Variants in KDM6A observed in about 807,000 individuals in gnomAD.
The protein encoded by KDM6A is lysine-specific demethylase 6A.
A neutral mutation model predicts 117.6 loss-of-function variants in KDM6A; 11 were observed. The ratio of observed to expected loss-of-function variants is 0.09; its 90% confidence interval spans 0.06 to 0.15. The LOEUF (loss-of-function observed/expected upper bound fraction) is 0.15. Ranked by LOEUF, KDM6A falls within the 10% of genes least tolerant of loss-of-function variation. KDM6A has a pLI of 1.00. For synonymous variants in KDM6A, 384 were observed against 396.1 expected (o/e 0.97, Z 0.36); for missense variants, 799 against 1,077.3 (o/e 0.74, Z 3.62).
Position 45,063,729 on chromosome X carries a change from G to C in KDM6A, c.1991G>C (p.Arg664Pro), listed in dbSNP as rs973676174. ...AATGGAAACGTGCCTTACCTGCAGC[G>C]AAACGCACTCACTCTACCTCATAAC... Reference protein sequence around the residue: ...GSNGNVPYLQRNALTLPHNRT... With the variant: ...GSNGNVPYLQPNALTLPHNRT... Residue 664 changes from arginine (R) to proline (P), a missense_variant, in exon 17 of 30, where the codon CGA becomes CCA. This residue lies in a region of KDM6A where 301 missense variants were observed against 318.3 expected (regional missense o/e 0.95). Coordinates refer to ENST00000611820, the MANE Select transcript of KDM6A (RefSeq NM_001291415.2). 1 of 1,207,510 alleles carries C rather than the reference G, an allele frequency of 8.3e-7. No homozygotes were observed.
At chrX:45,057,762 G>A (rs945855765) in intron 10 of KDM6A, among the ~76,000 whole-genome samples, 6 of 110,553 alleles carry the variant, frequency 5.4e-5, no homozygotes, top group South Asian at 7.6e-4. Flanking sequence ...TTCTCTGCCC[G>A]AATCAGTGGT....
At chrX:44,985,051 A>G in intron 4 of KDM6A, among the ~76,000 whole-genome samples, 1 of 109,628 alleles carries the variant, frequency 9.1e-6, no homozygotes, top group East Asian at 2.9e-4. Context: ...TGAGCATGGA[A>G]TGTTCTTCCA....
Position 45,091,950 on chromosome X carries a change from A to T in KDM6A, c.4034+1086A>T, listed in dbSNP as rs1235261948. ...TGTGGCCAAGGTAACATGCCTATAA[A>T]TTATTTTATGACAGTCTTTTCTCAG... On this transcript the variant is annotated intron_variant, in intron 27 of 29. Transcript: ENST00000611820. Among the ~76,000 whole-genome samples, 25 of 111,609 alleles carry T rather than the reference A, an allele frequency of 2.2e-4. No homozygotes were observed. In the East Asian group the frequency reaches 7.0e-3, roughly 31 times the overall value.
intron 25 of KDM6A, 30 bp downstream of exon 25, chrX:45,086,009 C>T (rs1556350714): frequency 2.2e-6 from 2 of 901,751 alleles, no homozygotes. Flanking sequence ...TTTCTTAAAA[C>T]ATATATTAGA....
At chrX:44,965,114 T>C (rs188277956) in intron 3 of KDM6A, among the ~76,000 whole-genome samples, 7 of 112,382 alleles carry the variant, frequency 6.2e-5, no homozygotes, top group Admixed American at 1.9e-4. Flanking sequence ...TTTACACTTT[T>C]CTTCTGCAGC....
rs761674073 is a variant in KDM6A, at chrX:44,890,771, C to T, written c.225+16784C>T. ...CTGGGGTTAAGTGATTTTCCTGCCTCTGCCTCCTGAGTAGCTGGGATTACA... is the reference window on the plus strand; with the variant it reads ...CTGGGGTTAAGTGATTTTCCTGCCTTTGCCTCCTGAGTAGCTGGGATTACA... On this transcript the variant is annotated intron_variant, in intron 2 of 29. Coordinates refer to ENST00000611820, the MANE Select transcript of KDM6A (RefSeq NM_001291415.2). 4.9e-5 allele frequency among the ~76,000 whole-genome samples: 5 copies of T among 102,846 alleles called. No homozygotes were observed. The South Asian group carries it at 2.3e-3, about 47-fold the overall frequency. 89.3% of individuals were successfully genotyped at this position (102,846 alleles called of 115,157 possible).
intron 3 of KDM6A, among the ~76,000 whole-genome samples, chrX:44,966,731 G>T (rs980201974): frequency 9.0e-6 from 1 of 111,015 alleles, no homozygotes; most frequent in Non-Finnish European, 1.9e-5. Flanking sequence ...GCAGGGGTAT[G>T]CAAATGTATT....
intron 2 of KDM6A, 102 bp downstream of exon 2, chrX:44,874,089 G>C: frequency 1.3e-6 from 1 of 756,062 alleles, no homozygotes; most frequent in South Asian, 2.2e-5. Context: ...GGCCACGGAC[G>C]ATGGTCGAGG....
intron 7 of KDM6A, among the ~76,000 whole-genome samples, chrX:45,035,691 T>TATG (rs980253591): frequency 4.6e-5 from 5 of 109,674 alleles, no homozygotes; most frequent in Non-Finnish European, 7.6e-5. Context: ...AATAAATTAT[T>TATG]ATTATTATTA....
intron 19 of KDM6A, among the ~76,000 whole-genome samples, chrX:45,077,234 A>C (rs763111004): frequency 9.0e-6 from 1 of 110,572 alleles, no homozygotes; most frequent in Admixed American, 9.7e-5. Flanking sequence ...GTTTGAGAAC[A>C]TAAGTGTGAT....
intron 6 of KDM6A, among the ~76,000 whole-genome samples, chrX:45,023,419 A>G (rs932289265): frequency 9.0e-6 from 1 of 111,412 alleles, no homozygotes; most frequent in African/African-American, 3.3e-5. Flanking sequence ...ACTGGTGATA[A>G]CTTTCTCACA....
chrX:45,027,687 A>G (rs980195974), intron 6 of KDM6A, among the ~76,000 whole-genome samples: 1 of 111,746 alleles, frequency 8.9e-6, no homozygotes, highest in African/African-American at 3.3e-5. Context: ...AAATTCTTCA[A>G]GAAAGGATCT....
chrX:45,111,293 C>A, intron 29 of KDM6A, 89 bp from the exon 30 acceptor site: 1 of 773,425 alleles, frequency 1.3e-6, no homozygotes, highest in Non-Finnish European at 2.0e-6. Flanking sequence ...GAGTTATTTC[C>A]CCTAACTTCA....
intron 5 of KDM6A, among the ~76,000 whole-genome samples, chrX:45,012,293 C>T (rs1020899018): frequency 9.8e-6 from 1 of 102,512 alleles, no homozygotes; most frequent in Admixed American, 1.0e-4. Flanking sequence ...CTCCGCCTCC[C>T]GGGTTCAAGC....
chrX:44,935,895 A>C (rs2036939745), intron 2 of KDM6A, among the ~76,000 whole-genome samples: 2 of 111,799 alleles, frequency 1.8e-5, no homozygotes, highest in Admixed American at 9.5e-5. Flanking sequence ...CTCTTGCAGG[A>C]TTCCTGGGGC....
intron 6 of KDM6A, among the ~76,000 whole-genome samples, chrX:45,024,921 G>A: frequency 8.9e-6 from 1 of 111,769 alleles, no homozygotes; most frequent in Non-Finnish European, 1.9e-5. Context: ...TCAGAAATGT[G>A]AAGCTAATGC....
intron 1 of KDM6A, 88 bp downstream of exon 1, chrX:44,873,800 C>A: frequency 8.8e-7 from 1 of 1,138,752 alleles, no homozygotes; most frequent in Non-Finnish European, 1.2e-6. Context: ...TCTCTGGCGG[C>A]GGCGGGGCGG....
intron 27 of KDM6A, among the ~76,000 whole-genome samples, chrX:45,099,014 G>A (rs143997994): frequency 6.5e-4 from 73 of 111,950 alleles, no homozygotes; most frequent in Non-Finnish European, 1.2e-3. Context: ...GAATACCTGT[G>A]TAACCTCATC....
At chrX:45,028,319 A>C (rs942941249) in intron 6 of KDM6A, among the ~76,000 whole-genome samples, 2 of 112,398 alleles carry the variant, frequency 1.8e-5, no homozygotes, top group African/African-American at 3.2e-5. Context: ...TTAGCACACT[A>C]TTCTGGTCAT....
Sources: allele counts gnomAD v4.1 joint callset (sites outside exome capture counted in the v4.1 genomes callset), GRCh38; gene constraint gnomAD v4.1.1; regional missense constraint gnomAD v4.1.1; transcripts MANE v1.5; gene names NCBI Gene and HGNC (gene_info 2026-07-23, HGNC 2026-07-21).